GPR39: variants seen among roughly 807,000 people sequenced by gnomAD.
The protein encoded by GPR39 is G protein-coupled receptor 39, also known as zinc sensing receptor.
A neutral mutation model predicts 18.4 loss-of-function variants in GPR39; 23 were observed. The observed-to-expected ratio is 1.25, with a 90% CI of 0.90 to 1.77. The LOEUF is 1.77. Ranked by LOEUF, GPR39 falls within the 40% of genes most tolerant of loss-of-function variation. The pLI is 0.00. For synonymous variants in GPR39, 280 were observed against 257.9 expected (o/e 1.09, Z -0.82); for missense variants, 647 against 602.4 (o/e 1.07, Z -0.78).
chr2:132,632,002 A>G (rs1194874705), intron 1 of GPR39, among the ~76,000 whole-genome samples: 1 of 151,774 alleles, frequency 6.6e-6, no homozygotes, highest in East Asian at 1.9e-4. Flanking sequence ...TTTGTATTTT[A>G]CTAGAGACGG....
chr2:132,474,501 T>C (rs1367546565), intron 1 of GPR39, among the ~76,000 whole-genome samples: 1 of 152,170 alleles, frequency 6.6e-6, no homozygotes, highest in East Asian at 1.9e-4. Flanking sequence ...GTGAGGGGAC[T>C]GTGATTTTCT....
Position 132,636,061 on chromosome 2 carries a change from T to C in GPR39, c.857-9040T>C, listed in dbSNP as rs572543896. On this transcript the variant is annotated intron_variant, in intron 1 of 1. Transcript: ENST00000329321. Reference sequence around the variant, plus strand: ...TGGTATTTTGTTATGGCAGCCTGAGTTGATGAGTACACCCCATATCTAGAC... The same window carrying C: ...TGGTATTTTGTTATGGCAGCCTGAGCTGATGAGTACACCCCATATCTAGAC... Among the ~76,000 whole-genome samples the C allele has an allele frequency of 1.5e-3, 225 of 152,322 alleles. No individual in the cohort carries two copies. In the Middle Eastern group the frequency reaches 0.017, roughly 12 times the overall value.
At chr2:132,492,475 T>TACACCATATATATACACCATATATAC (rs1558814336) in intron 1 of GPR39, among the ~76,000 whole-genome samples, 1 of 142,770 alleles carries the variant, frequency 7.0e-6, no homozygotes. Context: ...ACCATATATA[T>TACACCATATATATACACCATATATAC]ACACCATATA....
chr2:132,537,034 C>T (rs11886098), intron 1 of GPR39, among the ~76,000 whole-genome samples: 26,648 of 151,984 alleles, frequency 0.18, 2,846 homozygotes, highest in African/African-American at 0.29. Flanking sequence ...TTTGGCAGTC[C>T]GTGTCTTTTA....
At chr2:132,547,500 G>A (rs1399104445) in intron 1 of GPR39, among the ~76,000 whole-genome samples, 2 of 152,178 alleles carry the variant, frequency 1.3e-5, no homozygotes, top group East Asian at 1.9e-4. Flanking sequence ...TAGGTCTGAT[G>A]GTTTTTAATT....
At chr2:132,581,658 C>A (rs1177105199) in intron 1 of GPR39, among the ~76,000 whole-genome samples, 2 of 152,072 alleles carry the variant, frequency 1.3e-5, no homozygotes, top group African/African-American at 4.8e-5. Context: ...CGGAGTGAGG[C>A]CCTTAGTTTC....
At chr2:132,486,329 T>G (rs1681338038) in intron 1 of GPR39, among the ~76,000 whole-genome samples, 1 of 152,234 alleles carries the variant, frequency 6.6e-6, no homozygotes, top group African/African-American at 2.4e-5. Flanking sequence ...TAACTTAAAA[T>G]TACCAGCTGC....
At chr2:132,541,697 T>G (rs971535166) in intron 1 of GPR39, among the ~76,000 whole-genome samples, 2 of 152,162 alleles carry the variant, frequency 1.3e-5, no homozygotes, top group Non-Finnish European at 2.9e-5. Context: ...CCTCATTGAT[T>G]GCCACGGCCC....
chr2:132,466,925 G>T (rs990429996), intron 1 of GPR39, among the ~76,000 whole-genome samples: 1 of 152,090 alleles, frequency 6.6e-6, no homozygotes, highest in African/African-American at 2.4e-5. Context: ...AGTGTGAACT[G>T]ATTTCTCCTG....
chr2:132,465,519 C>T (rs1001565881), intron 1 of GPR39, among the ~76,000 whole-genome samples: 6 of 152,178 alleles, frequency 3.9e-5, no homozygotes, highest in Non-Finnish European at 7.3e-5. Flanking sequence ...ATTACTGTTT[C>T]CTGGGGAGTC....
At chr2:132,556,209 C>T (rs1033449090) in intron 1 of GPR39, among the ~76,000 whole-genome samples, 7 of 152,122 alleles carry the variant, frequency 4.6e-5, no homozygotes, top group African/African-American at 1.7e-4. Flanking sequence ...TTTAATTTGA[C>T]GTTTTCCAAA....
chr2:132,447,514 G>A (rs955944888), intron 1 of GPR39, among the ~76,000 whole-genome samples: 3 of 152,128 alleles, frequency 2.0e-5, no homozygotes, highest in East Asian at 1.9e-4. Flanking sequence ...TAGGCTCACC[G>A]TGGTCCAGGT....
At chr2:132,456,335 A>T in intron 1 of GPR39, among the ~76,000 whole-genome samples, 1 of 145,708 alleles carries the variant, frequency 6.9e-6, no homozygotes, top group African/African-American at 2.6e-5. Context: ...TGCTTGGTAG[A>T]TCTTCCTCCA....
At chr2:132,440,933 G>A (rs1356497680) in intron 1 of GPR39, among the ~76,000 whole-genome samples, 1 of 152,098 alleles carries the variant, frequency 6.6e-6, no homozygotes, top group African/African-American at 2.4e-5. Flanking sequence ...ATTCCCTCCA[G>A]CCTACTTGCC....
chr2:132,572,046 C>T (rs1216301593), intron 1 of GPR39, among the ~76,000 whole-genome samples: 1 of 152,090 alleles, frequency 6.6e-6, no homozygotes, highest in Non-Finnish European at 1.5e-5. Context: ...TGGGACTCTC[C>T]CAGTGAAATG....
At chr2:132,480,835 C>A (rs565438744) in intron 1 of GPR39, among the ~76,000 whole-genome samples, 1 of 152,086 alleles carries the variant, frequency 6.6e-6, no homozygotes, top group Admixed American at 6.6e-5. Context: ...GTTTGTTTTG[C>A]GTTTTCTCTC....
At chr2:132,591,479 A>C (rs1680842695) in intron 1 of GPR39, among the ~76,000 whole-genome samples, 1 of 151,880 alleles carries the variant, frequency 6.6e-6, no homozygotes, top group Non-Finnish European at 1.5e-5. Context: ...CCTACTTTTG[A>C]GGTTTGGGGA....
intron 1 of GPR39, among the ~76,000 whole-genome samples, chr2:132,622,969 G>A (rs1401397107): frequency 1.3e-5 from 2 of 152,080 alleles, no homozygotes; most frequent in Admixed American, 6.5e-5. Flanking sequence ...CAAAGTAGCC[G>A]GGTGTGGTGG....
chr2:132,552,228 T>A (rs761732006), intron 1 of GPR39, among the ~76,000 whole-genome samples: 8 of 152,234 alleles, frequency 5.3e-5, no homozygotes, highest in Non-Finnish European at 1.2e-4. Flanking sequence ...CCAAATCTCA[T>A]GTTGAATTGT....
Sources: gnomAD v4.1 joint callset for allele counts (sites outside exome capture counted in the v4.1 genomes callset) on GRCh38, gnomAD v4.1.1 for gene constraint, MANE v1.5 for transcripts, NCBI Gene and HGNC (gene_info 2026-07-23, HGNC 2026-07-21) for gene names.